HIF1A: variants seen among roughly 807,000 people sequenced by gnomAD.
HIF1A encodes hypoxia-inducible factor 1-alpha.
Under a neutral mutation model 92.7 loss-of-function variants are expected in HIF1A, and 24 were observed. That is an observed-to-expected ratio of 0.26 (90% CI 0.19 to 0.36). The LOEUF (loss-of-function observed/expected upper bound fraction) is 0.36, where lower values mean the gene tolerates loss of function less well. Among genes scored for constraint, HIF1A ranks in the 10% least tolerant of loss-of-function variants. The pLI is 1.00. For synonymous variants in HIF1A, 319 were observed against 338.7 expected (o/e 0.94, Z 0.64); for missense variants, 799 against 998.5 (o/e 0.80, Z 2.69).
intron 1 of HIF1A, among the ~76,000 whole-genome samples, chr14:61,702,457 A>T (rs2044189007): frequency 6.7e-6 from 1 of 148,746 alleles, no homozygotes; most frequent in Non-Finnish European, 1.5e-5. Flanking sequence ...AAAAAAAAAA[A>T]TTAAAAAGAA....
At chr14:61,733,824 T>C (rs2044604779) in intron 7 of HIF1A, among the ~76,000 whole-genome samples, 2 of 152,220 alleles carry the variant, frequency 1.3e-5, no homozygotes, top group Non-Finnish European at 2.9e-5. Context: ...TGAAAAAGGC[T>C]ATTGATTATT....
chr14:61,721,778 C>T lies in HIF1A; in HGVS notation c.412C>T (p.Pro138Ser). The T allele has an allele frequency of 6.2e-7, 1 of 1,613,344 alleles. No individual in the cohort carries two copies. The highest frequency in any genetic ancestry group is 8.5e-7 in the Non-Finnish European group (1 of 1,179,524). Reference sequence around the variant, plus strand: ...ACACAGTGTGTTTGATTTTACTCATCCATGTGACCATGAGGAAATGAGAGA... The same window carrying T: ...ACACAGTGTGTTTGATTTTACTCATTCATGTGACCATGAGGAAATGAGAGA... The part of the protein sequence containing the change: ...TGHSVFDFTH[P>S]CDHEEMREML... Residue 138 changes from proline (P) to serine (S), a missense_variant, in exon 4 of 15, where the codon CCA becomes TCA. Physicochemically the swap from Pro to Ser is moderately conservative, Grantham distance 74 (BLOSUM62 -1). Transcript: ENST00000337138.
At chr14:61,702,755 A>G (rs2044192224) in intron 1 of HIF1A, among the ~76,000 whole-genome samples, 1 of 152,192 alleles carries the variant, frequency 6.6e-6, no homozygotes, top group African/African-American at 2.4e-5. Flanking sequence ...AAATTTAAAA[A>G]CTACACAGGT....
intron 12 of HIF1A, among the ~76,000 whole-genome samples, chr14:61,743,400 G>A (rs572222507): frequency 3.3e-5 from 5 of 152,176 alleles, no homozygotes; most frequent in African/African-American, 1.2e-4. Flanking sequence ...TAGTTCCAAT[G>A]TAGTGTACAC....
intron 1 of HIF1A, among the ~76,000 whole-genome samples, chr14:61,712,386 G>A (rs770996419): frequency 2.0e-4 from 31 of 151,780 alleles, no homozygotes; most frequent in Admixed American, 2.0e-4. Flanking sequence ...AGGCCATTGT[G>A]GAGGCCCATA....
Position 61,732,415 on chromosome 14 carries a change from C to T in HIF1A, c.774-3C>T, listed in dbSNP as rs200037213. Reference sequence around the variant, plus strand: ...TCTTAAATCTTGTATTTTTTACTAACAGAATTACCGAATTGATGGGATATG... The same window carrying T: ...TCTTAAATCTTGTATTTTTTACTAATAGAATTACCGAATTGATGGGATATG... On this transcript the variant is annotated splice_polypyrimidine_tract_variant and splice_region_variant and intron_variant, in intron 6 of 14. Transcript: ENST00000337138. 2,678 of 1,578,296 alleles carry T rather than the reference C, an allele frequency of 1.7e-3. 3 individuals are homozygous for T. The highest frequency in any genetic ancestry group is 2.1e-3 in the Non-Finnish European group (2,457 of 1,151,978).
In HIF1A at chr14:61,695,546, A is replaced by G. The variant is rs1594851052; in HGVS notation, c.-259A>G. On this transcript the variant is annotated 5_prime_UTR_variant, in exon 1 of 15. Coordinates refer to ENST00000337138, the MANE Select transcript of HIF1A (RefSeq NM_001530.4). Reference sequence around the variant, plus strand: ...GTGCTGCCTCGTCTGAGGGGACAGGAGGATCACCCTCTTCGTCGCTTCGGC... The same window carrying G: ...GTGCTGCCTCGTCTGAGGGGACAGGGGGATCACCCTCTTCGTCGCTTCGGC... The G allele has an allele frequency of 3.6e-6, 2 of 548,282 alleles. No homozygotes were observed. Among genetic ancestry groups the G allele is most frequent in the East Asian group, 6.5e-5 (2 of 30,820 alleles). 34.0% of individuals were successfully genotyped at this position (548,282 alleles called of 1,614,324 possible). A position where few individuals can be genotyped will look rare whatever the true frequency, so the allele number is the denominator to read the frequency against.
rs374789934 is a variant in HIF1A, at chr14:61,736,904, C to T, written c.1044C>T (p.His348=). The change falls in exon 9 of 15, where the codon CAC becomes CAT. Residue 348 remains histidine, a synonymous_variant. Coordinates refer to ENST00000337138, the MANE Select transcript of HIF1A (RefSeq NM_001530.4). ...VNYVVSGIIQ[H]DLIFSLQQTE... is the part of the protein sequence containing the mutation. ...GTTTTGACAGTGGTATTATTCAGCA[C>T]GACTTGATTTTCTCCCTTCAACAAA... The T allele has an allele frequency of 5.3e-5, 86 of 1,612,226 alleles. No individual in the cohort carries two copies. Among genetic ancestry groups the T allele is most frequent in the Admixed American group, 1.7e-4 (10 of 59,982 alleles).
chr14:61,698,012 G>A (rs1211643236), intron 1 of HIF1A: 1 of 952,646 alleles, frequency 1.0e-6, no homozygotes, highest in Non-Finnish European at 1.5e-6. Context: ...CCTAGTTATA[G>A]GGGCTGAACT....
In HIF1A at chr14:61,722,637, G is replaced by A. The variant is rs1431290768; in HGVS notation, c.457+814G>A. Reference sequence around the variant, plus strand: ...CATTAAAGTTGAGGTGCCAGTTTGAGTCTAAGGCCCAATAAAAAAAGTTCA... The same window carrying A: ...CATTAAAGTTGAGGTGCCAGTTTGAATCTAAGGCCCAATAAAAAAAGTTCA... On this transcript the variant is annotated intron_variant, in intron 4 of 14. Transcript: ENST00000337138. Among the ~76,000 whole-genome samples, 4 of 152,188 alleles carry A rather than the reference G, an allele frequency of 2.6e-5. No homozygotes were observed. The South Asian group carries it at 8.3e-4, about 31-fold the overall frequency.
At position 61,740,872 on chromosome 14, in the gene HIF1A, G is replaced by C. The variant is rs199775054; in HGVS notation, c.1777G>C (p.Ala593Pro). ...LESSSASPES[A>P]SPQSTVTVFQ... is the part of the protein sequence containing the mutation. ...AAGCAGTTCCGCAAGCCCTGAAAGC[G>C]CAAGTCCTCAAAGCACAGTTACAGT... The change falls in exon 12 of 15, where the codon GCA becomes CCA. Residue 593 changes from alanine (A) to proline (P), a missense_variant. By Grantham distance (27) the Ala-to-Pro change is conservative. This residue lies in a region of HIF1A where 283 missense variants were observed against 277.5 expected (regional missense o/e 1.02). Coordinates refer to ENST00000337138, the MANE Select transcript of HIF1A (RefSeq NM_001530.4). 6.3e-5 allele frequency: 101 copies of C among 1,614,098 alleles called. 1 individual carries two copies. The East Asian group carries it at 2.2e-3, about 35-fold the overall frequency.
At chr14:61,735,040 A>ATT (rs575501433) in intron 8 of HIF1A, among the ~76,000 whole-genome samples, 31 of 152,236 alleles carry the variant, frequency 2.0e-4, no homozygotes, top group Admixed American at 1.8e-3. Flanking sequence ...TTAATTTTTC[A>ATT]TTTGATCTAT....
Position 61,695,753 on chromosome 14 carries a change from G to C in HIF1A, c.-52G>C, listed in dbSNP as rs1332230766. 8 of 1,561,200 alleles carry C rather than the reference G, an allele frequency of 5.1e-6. No individual in the cohort carries two copies. The highest frequency in any genetic ancestry group is 6.9e-6 in the Non-Finnish European group (8 of 1,153,380). ...GTGGAGGGAGCCAGCGCTTAGGCCG[G>C]AGCGAGCCTGGGGGCCGCCCGCCGT... On this transcript the variant is annotated 5_prime_UTR_variant, in exon 1 of 15. Transcript: ENST00000337138.
Position 61,706,946 on chromosome 14 carries a change from T to C in HIF1A, c.35+11107T>C, listed in dbSNP as rs61997400. ...GTGGATATATACCACAGGTCAACCA[T>C]TGAATAGTCTAGTCAGTGTAGTTAG... On this transcript the variant is annotated intron_variant, in intron 1 of 14. Coordinates refer to ENST00000337138, the MANE Select transcript of HIF1A (RefSeq NM_001530.4). 1.1e-3 allele frequency among the ~76,000 whole-genome samples: 163 copies of C among 152,354 alleles called. 1 individual carries two copies. Among genetic ancestry groups the C allele is most frequent in the Middle Eastern group, 3.4e-3 (1 of 294 alleles).
chr14:61,742,298 C>T (rs995652055), intron 12 of HIF1A, among the ~76,000 whole-genome samples: 5 of 152,156 alleles, frequency 3.3e-5, no homozygotes, highest in African/African-American at 2.4e-5. Context: ...TATGTCTAGA[C>T]TAAGCCAGAT....
chr14:61,727,362 C>G, intron 5 of HIF1A, 91 bp from the exon 6 acceptor site: 2 of 878,852 alleles, frequency 2.3e-6, no homozygotes, highest in Non-Finnish European at 3.7e-6. Context: ...TCAAAGCTTA[C>G]TGGCCATGTC....
Position 61,720,493 on chromosome 14 carries a change from T to G in HIF1A, c.147T>G (p.Asn49Lys). 6.2e-7 allele frequency: 1 copy of G among 1,613,670 alleles called. No homozygotes were observed. Among genetic ancestry groups the G allele is most frequent in the Non-Finnish European group, 8.5e-7 (1 of 1,179,762 alleles). ...ELAHQLPLPHNVSSHLDKASV... is the reference protein window; with the variant it reads ...ELAHQLPLPHKVSSHLDKASV... ...CTCATCAGTTGCCACTTCCACATAA[T>G]GTGAGTTCGCATCTTGATAAGGCCT... Residue 49 changes from asparagine to lysine, a missense_variant, in exon 2 of 15, where the codon AAT (asparagine) becomes AAG (lysine). Coordinates refer to ENST00000337138, the MANE Select transcript of HIF1A (RefSeq NM_001530.4).
chr14:61,704,023 G>A (rs758387266), intron 1 of HIF1A, among the ~76,000 whole-genome samples: 1 of 152,062 alleles, frequency 6.6e-6, no homozygotes, highest in Non-Finnish European at 1.5e-5. Flanking sequence ...TTTCTAGATC[G>A]TTTAGCTCTA....
chr14:61,718,053 T>C (rs2044383412), intron 1 of HIF1A, among the ~76,000 whole-genome samples: 1 of 151,546 alleles, frequency 6.6e-6, no homozygotes, highest in Non-Finnish European at 1.5e-5. Flanking sequence ...GCACATATTA[T>C]AAGGTTTTCA....
Sources: allele counts gnomAD v4.1 joint callset (sites outside exome capture counted in the v4.1 genomes callset), GRCh38; gene constraint gnomAD v4.1.1; regional missense constraint gnomAD v4.1.1; transcripts MANE v1.5; gene names NCBI Gene and HGNC (gene_info 2026-07-23, HGNC 2026-07-21).